CEACAM21: variants seen among roughly 807,000 people sequenced by gnomAD.
CEACAM21 encodes the protein cell adhesion molecule CEACAM21.
Under a neutral mutation model 33.2 loss-of-function variants are expected in CEACAM21, and 38 were observed. The ratio of observed to expected loss-of-function variants is 1.14; its 90% CI spans 0.88 to 1.50. CEACAM21 has a LOEUF of 1.50. Among genes scored for constraint, CEACAM21 ranks in the 40% most tolerant of loss-of-function variants. The probability of loss-of-function intolerance (pLI) is 0.00; values close to 1 mark genes in which losing one functional copy is unlikely to be tolerated. For synonymous variants in CEACAM21, 156 were observed against 143.0 expected (o/e 1.09, Z -0.65); for missense variants, 385 against 364.6 (o/e 1.06, Z -0.46).
At chr19:41,560,367 T>C (rs12709854) in intron 1 of CEACAM21, among the ~76,000 whole-genome samples, 14,209 of 152,078 alleles carry the variant, frequency 0.093, 1,311 homozygotes, top group East Asian at 0.36. Context: ...GGACTACAGG[T>C]ACTCACTGCC....
chr19:41,585,948 C>CCCCTG, intron 6 of CEACAM21, 77 bp downstream of exon 6: 1 of 1,474,320 alleles, frequency 6.8e-7, no homozygotes, highest in South Asian at 1.2e-5. Flanking sequence ...ACTGTCAATC[C>CCCCTG]CCAGCACAAA....
chr19:41,566,633 G>A (rs1405315914), intron 2 of CEACAM21, among the ~76,000 whole-genome samples: 1 of 152,150 alleles, frequency 6.6e-6, no homozygotes, highest in African/African-American at 2.4e-5. Flanking sequence ...TAATTTTCTT[G>A]TGTGGTTTTG....
chr19:41,567,676 T>G lies in CEACAM21; in HGVS notation c.-404+2620T>G, dbSNP rs372261247. ...GTTACCACCTCTATTTGGTTGCAAA[T>G]AAAACCGAGCACAAGTTGACTGGCA... On this transcript the variant is annotated intron_variant, in intron 2 of 7. Transcript: ENST00000407170. Among the ~76,000 whole-genome samples, 21 of 152,300 alleles carry G rather than the reference T, an allele frequency of 1.4e-4. 1 individual carries two copies. The highest frequency in any genetic ancestry group is 5.1e-4 in the African/African-American group (21 of 41,568).
upstream of CEACAM21, among the ~76,000 whole-genome samples, chr19:41,571,294 A>G (rs893466644): frequency 1.3e-5 from 2 of 152,316 alleles, no homozygotes; most frequent in Admixed American, 1.3e-4. Flanking sequence ...ATCTGTCAAA[A>G]TGGCTTTCAT....
intron 2 of CEACAM21, 40 bp downstream of exon 2, chr19:41,577,599 T>C: frequency 6.2e-7 from 1 of 1,606,290 alleles, no homozygotes; most frequent in Non-Finnish European, 8.5e-7. Context: ...TGGGGGTCAG[T>C]TCTGCTTCAC....
intron 6 of CEACAM21, chr19:41,586,179 C>A: frequency 1.7e-6 from 1 of 582,184 alleles, no homozygotes. Context: ...ACCAGGGCAG[C>A]TGCTCTCATC....
chr19:41,577,109 G>C (rs1395646220), intron 1 of CEACAM21, 91 bp from the exon 2 acceptor site: 12 of 1,437,286 alleles, frequency 8.3e-6, no homozygotes, highest in Admixed American at 5.6e-5. Flanking sequence ...ACCCTCTAAG[G>C]CTGAGGGGTG....
At chr19:41,569,651 T>C (rs1600210459) in intron 2 of CEACAM21, among the ~76,000 whole-genome samples, 2 of 152,060 alleles carry the variant, frequency 1.3e-5, no homozygotes, top group African/African-American at 4.8e-5. Flanking sequence ...GCTGCACAAA[T>C]AGAGAGCCCT....
intron 3 of CEACAM21, among the ~76,000 whole-genome samples, chr19:41,582,316 G>A (rs1343364261): frequency 6.6e-6 from 1 of 152,224 alleles, no homozygotes; most frequent in Non-Finnish European, 1.5e-5. Context: ...GCTTTCATAG[G>A]CTGGCGTTGA....
At position 41,577,185 on chromosome 19, in the gene CEACAM21, C is replaced by T; in HGVS notation, c.65-15C>T. On this transcript the variant is annotated splice_polypyrimidine_tract_variant and intron_variant, in intron 1 of 6. Transcript: ENST00000401445. ...CATAGGTCAAATATTGACTGATATTCTCTCCCTTTCCTAGCCTCACTTTTA... is the reference window on the plus strand; with the variant it reads ...CATAGGTCAAATATTGACTGATATTTTCTCCCTTTCCTAGCCTCACTTTTA... The T allele has an allele frequency of 1.2e-6, 2 of 1,613,506 alleles. No individual in the cohort carries two copies. The highest frequency in any genetic ancestry group is 1.7e-6 in the Non-Finnish European group (2 of 1,179,918).
chr19:41,561,384 C>T (rs2041872022), intron 1 of CEACAM21, among the ~76,000 whole-genome samples: 1 of 149,064 alleles, frequency 6.7e-6, no homozygotes, highest in Non-Finnish European at 1.5e-5. Flanking sequence ...AAACATGAAA[C>T]CTGGTTGAAA....
At chr19:41,564,203 G>A (rs1660377598) in intron 1 of CEACAM21, among the ~76,000 whole-genome samples, 1 of 152,118 alleles carries the variant, frequency 6.6e-6, no homozygotes, top group Non-Finnish European at 1.5e-5. Flanking sequence ...CTGGCCACAA[G>A]CCAGCTAGCC....
chr19:41,555,534 A>G (rs1555785345), intron 1 of CEACAM21: 1 of 151,966 alleles, frequency 6.6e-6, no homozygotes, highest in African/African-American at 2.4e-5. Context: ...TAATTTTAAA[A>G]TATGTGAAGA....
rs781887854 is a variant in CEACAM21, at chr19:41,579,429, C to T, written c.501C>T (p.His167=). The change falls in exon 3 of 7, where the codon CAC becomes CAT. Residue 167 remains histidine, a synonymous_variant. Coordinates refer to ENST00000401445, the MANE Select transcript of CEACAM21 (RefSeq NM_001098506.4). ...TEKGSVVLTC[H]TNNTGTSFQW... is the part of the protein sequence containing the mutation. ...AGGGCTCCGTGGTCCTGACCTGCCA[C>T]ACAAATAACACTGGAACCTCTTTCC... The T allele has an allele frequency of 6.2e-7, 1 of 1,613,840 alleles. No homozygotes were observed.
intron 1 of CEACAM21, chr19:41,555,045 A>G (rs1018966957): frequency 5.3e-5 from 8 of 152,134 alleles, no homozygotes; most frequent in African/African-American, 1.7e-4. Flanking sequence ...TTCACCCACC[A>G]CAACTGTTTG....
chr19:41,572,539 T>A (rs2042677532), upstream of CEACAM21, among the ~76,000 whole-genome samples: 1 of 152,106 alleles, frequency 6.6e-6, no homozygotes, highest in South Asian at 2.1e-4. Flanking sequence ...GCCCTGACAC[T>A]TACCTTCTGC....
upstream of CEACAM21, among the ~76,000 whole-genome samples, chr19:41,572,077 T>G (rs1456548589): frequency 6.6e-6 from 1 of 152,128 alleles, no homozygotes; most frequent in African/African-American, 2.4e-5. Context: ...GAAGATGATC[T>G]CTATGTGAAC....
chr19:41,577,212 C>G lies in CEACAM21; in HGVS notation c.77C>G (p.Thr26Ser). ...QGLLLTASLL[T>S]FWNAPTTAWL... ...CTCCCTTTCCTAGCCTCACTTTTAA[C>G]TTTCTGGAACGCACCCACCACTGCC... Residue 26 changes from threonine (T) to serine (S), a missense_variant, in exon 2 of 7, where the codon ACT becomes AGT. Thr to Ser is a moderately conservative substitution (Grantham distance 58). Transcript: ENST00000401445. 2 of 1,614,092 alleles carry G rather than the reference C, an allele frequency of 1.2e-6. No homozygotes were observed. The highest frequency in any genetic ancestry group is 1.7e-6 in the Non-Finnish European group (2 of 1,180,044).
intron 1 of CEACAM21, among the ~76,000 whole-genome samples, chr19:41,560,431 A>G (rs2041812663): frequency 6.6e-6 from 1 of 152,154 alleles, no homozygotes; most frequent in Non-Finnish European, 1.5e-5. Flanking sequence ...TATTTTGCCC[A>G]GACTGGTCTT....
Sources: allele counts gnomAD v4.1 joint callset (sites outside exome capture counted in the v4.1 genomes callset), GRCh38; gene constraint gnomAD v4.1.1; transcripts MANE v1.5; gene names NCBI Gene and HGNC (gene_info 2026-07-23, HGNC 2026-07-21).